PIK3R6: variants seen among roughly 807,000 people sequenced by gnomAD.
The protein encoded by PIK3R6 is phosphoinositide-3-kinase regulatory subunit 6.
PIK3R6 carries 91 observed loss-of-function variants against 84.9 expected under a neutral mutation model. That is an observed-to-expected ratio of 1.07 (90% CI 0.90 to 1.28). The LOEUF is 1.28. Among genes scored for constraint, PIK3R6 ranks in the 50% most tolerant of loss-of-function variants. The pLI, the probability that PIK3R6 is intolerant of heterozygous loss-of-function variation, is 0.00. For missense variants in PIK3R6, 996 were observed against 985.1 expected (o/e 1.01, Z -0.15); for synonymous variants, 416 against 411.4 (o/e 1.01, Z -0.13).
rs182391516 is a variant in PIK3R6, at chr17:8,832,920, C to T, written c.771G>A (p.Ser257=). 1.1e-5 allele frequency: 17 copies of T among 1,612,774 alleles called. No homozygotes were observed. Among genetic ancestry groups the T allele is most frequent in the South Asian group, 4.4e-5 (4 of 91,086 alleles). ...AGCGCCCCGCCGCGGGACCCAGCAG[C>T]GAGCAGTAAATCTCCTCCAGCCTCT... ...HVERLEEIYC[S]LLGPAAGRCG... The change falls in exon 9 of 20, where the codon TCG becomes TCA. Residue 257 remains serine, a synonymous_variant. Coordinates refer to ENST00000619866, the MANE Select transcript of PIK3R6 (RefSeq NM_001010855.4).
rs867153816 is a variant in PIK3R6 at position 8,839,698 on chromosome 17, C to T, written c.14-1G>A. ...CTCCTCTGGAGGTCCAGCTCCACAT[C>T]TGGGCAGTGGTAGGGGTGGGAGGAA... On this transcript the variant is annotated splice_acceptor_variant, in intron 2 of 19. Coordinates refer to ENST00000619866, the MANE Select transcript of PIK3R6 (RefSeq NM_001010855.4). LOFTEE classifies it high-confidence loss of function. This position sits in a 1 kb window ranked among gnomAD's most constrained non-coding sequence, Gnocchi z 4.2. The T allele has an allele frequency of 6.4e-7, 1 of 1,568,742 alleles. No individual in the cohort carries two copies. The highest frequency in any genetic ancestry group is 8.6e-7 in the Non-Finnish European group (1 of 1,156,236).
intron 1 of PIK3R6, among the ~76,000 whole-genome samples, chr17:8,855,692 C>A (rs1176544810): frequency 6.6e-6 from 1 of 152,206 alleles, no homozygotes; most frequent in African/African-American, 2.4e-5. Context: ...TTGCTGCACC[C>A]ATCAACCCGT....
chr17:8,845,862 G>C (rs186789179), intron 2 of PIK3R6, among the ~76,000 whole-genome samples: 1 of 152,148 alleles, frequency 6.6e-6, no homozygotes, highest in African/African-American at 2.4e-5. Flanking sequence ...GCTTAAACCT[G>C]GGGGGTGGAG....
At chr17:8,806,951 G>A (rs1206801458) in intron 18 of PIK3R6, among the ~76,000 whole-genome samples, 1 of 152,192 alleles carries the variant, frequency 6.6e-6, no homozygotes, top group Non-Finnish European at 1.5e-5. Flanking sequence ...ACAGCTACTG[G>A]AATTTTCCCC....
chr17:8,837,545 G>A (rs896860880), intron 5 of PIK3R6, among the ~76,000 whole-genome samples: 1 of 152,116 alleles, frequency 6.6e-6, no homozygotes, highest in Non-Finnish European at 1.5e-5. Context: ...AGGGATCAGT[G>A]ATGTCTCCTG....
intron 18 of PIK3R6, among the ~76,000 whole-genome samples, chr17:8,813,805 T>A (rs1240454395): frequency 6.6e-6 from 1 of 151,816 alleles, no homozygotes. Context: ...AACATCACAC[T>A]GAGTGGGGAA....
rs143083170 is a variant in PIK3R6 at position 8,819,112 on chromosome 17, A to C, written c.1966T>G (p.Ser656Ala). The change falls in exon 18 of 20, where the codon TCC becomes GCC. Residue 656 changes from serine to alanine, a missense_variant. By Grantham distance (99) the Ser-to-Ala change is moderately conservative. Transcript: ENST00000619866. ...AAGGACTTTCCCGCCAAGTTGGAGG[A>C]CTTGACAACCTCTGTCACGTTGACA... Reference protein sequence around the residue: ...LNVNVTEVVKSSNLAGKSFST... With the variant: ...LNVNVTEVVKASNLAGKSFST... 4.5e-4 allele frequency: 731 copies of C among 1,607,758 alleles called. No individual in the cohort carries two copies. The highest frequency in any genetic ancestry group is 5.8e-4 in the Non-Finnish European group (684 of 1,177,316).
intron 1 of PIK3R6, among the ~76,000 whole-genome samples, chr17:8,856,517 G>A (rs1383073181): frequency 1.3e-5 from 2 of 152,202 alleles, no homozygotes; most frequent in African/African-American, 4.8e-5. Context: ...CAGGAGAATC[G>A]CTTGAACCCA....
At chr17:8,808,811 G>T (rs186980912) in intron 18 of PIK3R6, among the ~76,000 whole-genome samples, 14 of 152,220 alleles carry the variant, frequency 9.2e-5, no homozygotes, top group Non-Finnish European at 1.6e-4. Flanking sequence ...AGGAAAAGGA[G>T]TTCAGGGAAT....
At chr17:8,828,001 T>C in intron 12 of PIK3R6, 111 bp downstream of exon 12, 1 of 1,135,212 alleles carries the variant, frequency 8.8e-7, no homozygotes, top group Non-Finnish European at 1.3e-6. Context: ...ATTCTAAGGA[T>C]GCTTACTCTA....
intron 18 of PIK3R6, among the ~76,000 whole-genome samples, chr17:8,814,820 T>C (rs1177717835): frequency 6.6e-6 from 1 of 151,926 alleles, no homozygotes; most frequent in Non-Finnish European, 1.5e-5. Context: ...GAATTGTCCA[T>C]CAAAGGTCCA....
In PIK3R6 at chr17:8,844,556, A is replaced by T. The variant is rs1350150376; in HGVS notation, c.14-4859T>A. Among the ~76,000 whole-genome samples, 1 of 152,178 alleles carries T rather than the reference A, an allele frequency of 6.6e-6. No homozygotes were observed. Among genetic ancestry groups the T allele is most frequent in the Non-Finnish European group, 1.5e-5 (1 of 68,036 alleles). On this transcript the variant is annotated intron_variant, in intron 2 of 19. Coordinates refer to ENST00000619866, the MANE Select transcript of PIK3R6 (RefSeq NM_001010855.4). This position sits in a 1 kb window ranked among gnomAD's most constrained non-coding sequence, Gnocchi z 4.5. ...ATCCATTATTATTATCCTCCTCTGCATCCAGGAATGTGGGATATTACTAAT... is the reference window on the plus strand; with the variant it reads ...ATCCATTATTATTATCCTCCTCTGCTTCCAGGAATGTGGGATATTACTAAT...
At position 8,839,035 on chromosome 17, in the gene PIK3R6, C is replaced by T. The variant is rs1045265406; in HGVS notation, c.98-380G>A. Among the ~76,000 whole-genome samples the T allele has an allele frequency of 6.6e-6, 1 of 152,046 alleles. No homozygotes were observed. Among genetic ancestry groups the T allele is most frequent in the Non-Finnish European group, 1.5e-5 (1 of 68,002 alleles). ...AGGGGAATTAGGTTTGGAAGTGGAGCTAGGGAAGGTGGTTAACAAAGAGGG... is the reference window on the plus strand; with the variant it reads ...AGGGGAATTAGGTTTGGAAGTGGAGTTAGGGAAGGTGGTTAACAAAGAGGG... On this transcript the variant is annotated intron_variant, in intron 3 of 19. Transcript: ENST00000619866. This position sits in a 1 kb window ranked among gnomAD's most constrained non-coding sequence, Gnocchi z 4.2.
intron 12 of PIK3R6, among the ~76,000 whole-genome samples, chr17:8,827,763 G>GGGGAGA (rs2087985818): frequency 5.7e-5 from 2 of 34,830 alleles, no homozygotes; most frequent in Non-Finnish European, 5.8e-5. Context: ...GAGAGAGAGA[G>GGGGAGA]GAGAGAGAGA....
At chr17:8,864,222 G>C (rs551437492) in intron 1 of PIK3R6, among the ~76,000 whole-genome samples, 159 of 152,242 alleles carry the variant, frequency 1.0e-3, no homozygotes, top group African/African-American at 3.8e-3. Context: ...AAGTTGGGCA[G>C]GTTTGTTTGC....
intron 17 of PIK3R6, 86 bp downstream of exon 17, chr17:8,821,760 C>T (rs2087739290): frequency 1.5e-6 from 2 of 1,378,282 alleles, no homozygotes; most frequent in Non-Finnish European, 2.0e-6. Flanking sequence ...AGAGGGCTCC[C>T]CCTTCTCCTG....
chr17:8,839,515 G>T lies in PIK3R6; in HGVS notation c.97+99C>A. On this transcript the variant is annotated intron_variant, in intron 3 of 19. Coordinates refer to ENST00000619866, the MANE Select transcript of PIK3R6 (RefSeq NM_001010855.4). The surrounding 1 kb of genome is among the most constrained non-coding windows in gnomAD (Gnocchi z 4.2). ...TTTGGTGAGACGACCCTTGCCCCCTGAGCTCCAGGCCGGGGCTCTTTCCTG... is the reference window on the plus strand; with the variant it reads ...TTTGGTGAGACGACCCTTGCCCCCTTAGCTCCAGGCCGGGGCTCTTTCCTG... The T allele has an allele frequency of 1.1e-6, 1 of 949,762 alleles. No individual in the cohort carries two copies. The highest frequency in any genetic ancestry group is 1.6e-6 in the Non-Finnish European group (1 of 639,356). The allele number at this position is 949,762 out of a possible 1,614,324, so 58.8% of individuals were successfully genotyped here.
intron 9 of PIK3R6, among the ~76,000 whole-genome samples, chr17:8,832,398 T>C: frequency 6.8e-6 from 1 of 146,254 alleles, no homozygotes; most frequent in African/African-American, 2.5e-5. Flanking sequence ...TTTTTTTTTT[T>C]TTGAGACGGA....
intron 1 of PIK3R6, among the ~76,000 whole-genome samples, chr17:8,865,726 C>G (rs953177381): frequency 6.6e-6 from 1 of 152,100 alleles, no homozygotes; most frequent in African/African-American, 2.4e-5. Flanking sequence ...GCCCTTGCCC[C>G]CATGAGGTCT....
Sources: gnomAD v4.1 joint callset for allele counts (sites outside exome capture counted in the v4.1 genomes callset) on GRCh38, gnomAD v4.1.1 for gene constraint, Gnocchi (gnomAD v3.1) non-coding constraint, MANE v1.5 for transcripts, NCBI Gene and HGNC (gene_info 2026-07-23, HGNC 2026-07-21) for gene names.